Variants in KMT5C observed in about 807,000 individuals in gnomAD.
KMT5C encodes histone-lysine N-methyltransferase KMT5C.
In KMT5C, 16 loss-of-function variants were observed where a neutral mutation model predicts 38.2. That is an observed-to-expected ratio of 0.42 (90% CI 0.28 to 0.64). KMT5C has a LOEUF of 0.64. KMT5C is among the 30% of genes least tolerant of loss of function. KMT5C has a pLI of 0.23. For missense variants in KMT5C, 598 were observed against 665.1 expected (o/e 0.90, Z 1.11); for synonymous variants, 291 against 279.0 (o/e 1.04, Z -0.43).
intron 6 of KMT5C, chr19:55,344,812 A>C (rs1396573206): frequency 1.9e-6 from 1 of 515,020 alleles, no homozygotes. Context: ...TTGAGGGTGC[A>C]CCCTCTGGAG....
intron 3 of KMT5C, 45 bp downstream of exon 3, chr19:55,342,425 C>G: frequency 1.4e-6 from 2 of 1,391,708 alleles, no homozygotes; most frequent in Non-Finnish European, 9.5e-7. Flanking sequence ...GTGTCCTCCC[C>G]GCTCACCGGG....
chr19:55,340,561 C>T (rs568108109), intron 1 of KMT5C, among the ~76,000 whole-genome samples: 2 of 152,022 alleles, frequency 1.3e-5, no homozygotes, highest in East Asian at 3.9e-4. Flanking sequence ...CTCCCTGGGT[C>T]CCCAGGCCCT....
At chr19:55,340,005 G>A (rs1042439700) in intron 1 of KMT5C, 48 bp downstream of exon 1, 1 of 151,770 alleles carries the variant, frequency 6.6e-6, no homozygotes, top group African/African-American at 2.4e-5. Context: ...CACGGCCCCA[G>A]CCCCGCGCCG....
chr19:55,340,179 C>T (rs1047266384), intron 1 of KMT5C, among the ~76,000 whole-genome samples: 1 of 151,950 alleles, frequency 6.6e-6, no homozygotes, highest in African/African-American at 2.4e-5. Context: ...CCCCTTCTTA[C>T]GTCCACGGCC....
intron 1 of KMT5C, among the ~76,000 whole-genome samples, 151 bp downstream of exon 1, chr19:55,340,108 C>G (rs1225848807): frequency 6.6e-6 from 1 of 151,648 alleles, no homozygotes; most frequent in African/African-American, 2.4e-5. Flanking sequence ...GGCCCCTCGC[C>G]GGGCCTCGGG....
rs143875189 is a variant in KMT5C, at chr19:55,346,552, C to A, written c.760C>A (p.Arg254=). ...GCCTAGGGAGCCCGCGTTGCCACCA[C>A]GGCCCCTGGACAAGTACCAGCTGCG... The part of the protein sequence containing the change: ...TRPREPALPP[R]PLDKYQLRET... Residue 254 remains arginine, a synonymous_variant, in exon 8 of 9, where the codon CGG becomes AGG. Transcript: ENST00000255613. The A allele has an allele frequency of 6.3e-7, 1 of 1,595,490 alleles. No homozygotes were observed. The highest frequency in any genetic ancestry group is 2.3e-5 in the East Asian group (1 of 43,480).
rs1381319992 is a variant in KMT5C at position 55,347,720 on chromosome 19, G to GCCAT, written c.*274_*277dup. On this transcript the variant is annotated 3_prime_UTR_variant, in exon 9 of 9. Coordinates refer to ENST00000255613, the MANE Select transcript of KMT5C (RefSeq NM_032701.4). This position sits in a 1 kb window ranked among gnomAD's most constrained non-coding sequence, Gnocchi z 4.6. ...CTGCCCCAGCCTCAGGACTGCAGGAGCCATCCGCCCCCCTCAGCCCCTTCC... is the reference window on the plus strand; with the variant it reads ...CTGCCCCAGCCTCAGGACTGCAGGAGCCATCCATCCGCCCCCCTCAGCCCCTTCC... 4.0e-6 allele frequency: 2 copies of GCCAT among 494,856 alleles called. No individual in the cohort carries two copies. Among genetic ancestry groups the GCCAT allele is most frequent in the Non-Finnish European group, 6.9e-6 (2 of 289,992 alleles). The allele number at this position is 494,856 out of a possible 1,614,324, so 30.7% of individuals were successfully genotyped here. A position where few individuals can be genotyped will look rare whatever the true frequency, so the allele number is the denominator to read the frequency against.
rs753967015 is a variant in KMT5C, at chr19:55,342,017, C to T, written c.81C>T (p.Leu27=). Residue 27 remains leucine (L), a synonymous_variant, in exon 2 of 9, where the codon CTC becomes CTT. Coordinates refer to ENST00000255613, the MANE Select transcript of KMT5C (RefSeq NM_032701.4). ...LATSLVLDPY[L]GFRTHKMNVS... ...CCAGCCTCGTCCTGGACCCCTACCT[C>T]GGTTTCCGCACCCATAAGATGAACG... 6.2e-6 allele frequency: 10 copies of T among 1,613,628 alleles called. No homozygotes were observed. Among genetic ancestry groups the T allele is most frequent in the Admixed American group, 1.7e-5 (1 of 60,002 alleles).
In KMT5C at chr19:55,342,227, C is replaced by T. The variant is rs184367302; in HGVS notation, c.123C>T (p.Pro41=). 74 of 1,609,984 alleles carry T rather than the reference C, an allele frequency of 4.6e-5. No individual in the cohort carries two copies. The highest frequency in any genetic ancestry group is 5.9e-5 in the Non-Finnish European group (70 of 1,178,942). The change falls in exon 3 of 9, where the codon CCC becomes CCT. Residue 41 remains proline (P), a synonymous_variant. Transcript: ENST00000255613. ...THKMNVSPVP[P]LRRQQHLRSA... ...CCCTCTCCCCCAGCCCTGTGCCCCC[C>T]CTGCGGCGACAGCAGCACCTGCGCT...
intron 1 of KMT5C, among the ~76,000 whole-genome samples, chr19:55,340,285 C>CCTCTCCCTGCACCCCCAGGT (rs939993305): frequency 2.0e-5 from 3 of 151,106 alleles, no homozygotes; most frequent in Non-Finnish European, 4.4e-5. Flanking sequence ...ACCCTCCAGG[C>CCTCTCCCTGCACCCCCAGGT]CTCTCCCTGC....
chr19:55,346,940 AC>A lies in KMT5C; in HGVS notation c.896-14del, dbSNP rs758659939. 1.5e-5 allele frequency: 13 copies of A among 870,866 alleles called. No homozygotes were observed. In the Admixed American group the frequency reaches 2.0e-4, roughly 13 times the overall value. 53.9% of individuals were successfully genotyped at this position (870,866 alleles called of 1,614,324 possible). On this transcript the variant is annotated splice_polypyrimidine_tract_variant and intron_variant, in intron 8 of 8. Transcript: ENST00000255613. ...CTCCTTTGTTCCTCCTCTCCCTGCC[AC>A]CTGGGCCTTCACAGCCGCCTGCCAG...
chr19:55,347,536 G>A lies in KMT5C; in HGVS notation c.*87G>A, dbSNP rs903653197. 5 of 1,456,344 alleles carry A rather than the reference G, an allele frequency of 3.4e-6. No individual in the cohort carries two copies. Among genetic ancestry groups the A allele is most frequent in the South Asian group, 2.9e-5 (2 of 69,322 alleles). The allele number at this position is 1,456,344 out of a possible 1,614,324, so 90.2% of individuals were successfully genotyped here. ...CTCCAGAAGGAGCCCTTGGACCTCT[G>A]GGAGGGAGCTGACCCTTGACTCCAG... On this transcript the variant is annotated 3_prime_UTR_variant, in exon 9 of 9. Transcript: ENST00000255613. The surrounding 1 kb of genome is among the most constrained non-coding windows in gnomAD (Gnocchi z 4.6).
At chr19:55,345,644 C>T (rs1289725599) in intron 6 of KMT5C, among the ~76,000 whole-genome samples, 3 of 152,092 alleles carry the variant, frequency 2.0e-5, no homozygotes, top group African/African-American at 7.2e-5. Context: ...AGTGGTCATG[C>T]CCCCTCCTAG....
intron 6 of KMT5C, chr19:55,344,495 T>A (rs540443614): frequency 1.2e-3 from 438 of 360,170 alleles, no homozygotes; most frequent in Admixed American, 4.1e-3. Flanking sequence ...TGGCCAGCGT[T>A]GCCCGGCTGT....
Position 55,343,537 on chromosome 19 carries a change from C to A in KMT5C, c.387-143C>A. 2 of 766,870 alleles carry A rather than the reference C, an allele frequency of 2.6e-6. No homozygotes were observed. 47.5% of individuals were successfully genotyped at this position (766,870 alleles called of 1,614,324 possible). A position where few individuals can be genotyped will look rare whatever the true frequency, so the allele number is the denominator to read the frequency against. ...CCAGGCAGGAGGGGAAGAGGGAGAT[C>A]TGGAAGATGGATCGCCAATAGCCAG... On this transcript the variant is annotated intron_variant, in intron 4 of 8. Coordinates refer to ENST00000255613, the MANE Select transcript of KMT5C (RefSeq NM_032701.4). The surrounding 1 kb of genome is among the most constrained non-coding windows in gnomAD (Gnocchi z 5.5).
chr19:55,343,532 G>A lies in KMT5C; in HGVS notation c.387-148G>A, dbSNP rs904986094. ...CCCACCCAGGCAGGAGGGGAAGAGG[G>A]AGATCTGGAAGATGGATCGCCAATA... On this transcript the variant is annotated intron_variant, in intron 4 of 8. Coordinates refer to ENST00000255613, the MANE Select transcript of KMT5C (RefSeq NM_032701.4). This position sits in a 1 kb window ranked among gnomAD's most constrained non-coding sequence, Gnocchi z 5.5. 9.5e-6 allele frequency: 7 copies of A among 735,176 alleles called. No homozygotes were observed. Among genetic ancestry groups the A allele is most frequent in the Admixed American group, 2.6e-5 (1 of 37,782 alleles). The allele number at this position is 735,176 out of a possible 1,614,324, so 45.5% of individuals were successfully genotyped here.
chr19:55,340,434 G>A (rs908840096), intron 1 of KMT5C, among the ~76,000 whole-genome samples: 1 of 151,304 alleles, frequency 6.6e-6, no homozygotes, highest in Non-Finnish European at 1.5e-5. Context: ...AGGTCTTTCT[G>A]TGCCCTAGAA....
In KMT5C at chr19:55,347,616, C is replaced by G. The variant is rs905454895; in HGVS notation, c.*167C>G. The G allele has an allele frequency of 1.7e-6, 2 of 1,209,496 alleles. No individual in the cohort carries two copies. The highest frequency in any genetic ancestry group is 3.2e-5 in the African/African-American group (2 of 63,160). 74.9% of individuals were successfully genotyped at this position (1,209,496 alleles called of 1,614,324 possible). A position where few individuals can be genotyped will look rare whatever the true frequency, so the allele number is the denominator to read the frequency against. On this transcript the variant is annotated 3_prime_UTR_variant, in exon 9 of 9. Coordinates refer to ENST00000255613, the MANE Select transcript of KMT5C (RefSeq NM_032701.4). The surrounding 1 kb of genome is among the most constrained non-coding windows in gnomAD (Gnocchi z 4.6). ...TTGGACACCCCCAGGGATCTGAGCC[C>G]TGACCCTTTGTGACTGCTGACCCCT...
At position 55,343,028 on chromosome 19, in the gene KMT5C, C is replaced by T. The variant is rs533769049; in HGVS notation, c.386+177C>T. 4 of 589,772 alleles carry T rather than the reference C, an allele frequency of 6.8e-6. No individual in the cohort carries two copies. Among genetic ancestry groups the T allele is most frequent in the Admixed American group, 2.8e-5 (1 of 35,716 alleles). The allele number at this position is 589,772 out of a possible 1,614,324, so 36.5% of individuals were successfully genotyped here. ...AAGACCTTTGTGGCTACCGTGGTGC[C>T]GCTGGAGCAGGAGACCCCGGATGTG... On this transcript the variant is annotated intron_variant, in intron 4 of 8. Transcript: ENST00000255613. The surrounding 1 kb of genome is among the most constrained non-coding windows in gnomAD (Gnocchi z 5.5).
Sources: gnomAD v4.1 joint callset for allele counts (sites outside exome capture counted in the v4.1 genomes callset) on GRCh38, gnomAD v4.1.1 for gene constraint, Gnocchi (gnomAD v3.1) non-coding constraint, MANE v1.5 for transcripts, NCBI Gene and HGNC (gene_info 2026-07-23, HGNC 2026-07-21) for gene names.